The following PDHX variants were observed in gnomAD, a reference collection of about 807,000 sequenced individuals.
PDHX encodes the protein pyruvate dehydrogenase protein X component, mitochondrial.
In PDHX, 33 loss-of-function variants were observed where a neutral mutation model predicts 55.3. That is an observed-to-expected ratio of 0.60 (90% CI 0.45 to 0.80). The LOEUF is 0.80. PDHX is among the 30% of genes least tolerant of loss of function. PDHX has a pLI of 0.00. For synonymous variants in PDHX, 226 were observed against 219.4 expected, an observed-to-expected ratio of 1.03 and a Z score of -0.27; for missense variants, 622 against 619.9, an observed-to-expected ratio of 1.00 and a Z score of -0.04.
chr11:34,922,801 CTTG>C (rs55682814), intron 1 of PDHX, among the ~76,000 whole-genome samples: 89,848 of 150,820 alleles, frequency 0.6, 27,894 homozygotes, highest in East Asian at 0.74. Context: ...AATATACCTT[CTTG>C]TTGTTGTCTT....
chr11:34,966,636 C>T lies in PDHX; in HGVS notation c.642-4C>T. The T allele has an allele frequency of 1.2e-6, 2 of 1,613,954 alleles. No homozygotes were observed. The highest frequency in any genetic ancestry group is 1.7e-6 in the Non-Finnish European group (2 of 1,179,906). ...ATGGTTATCTACTTTGCTCTTATTTCCAGGGATGCTCTCAAACTTGTCCAG... is the reference window on the plus strand; with the variant it reads ...ATGGTTATCTACTTTGCTCTTATTTTCAGGGATGCTCTCAAACTTGTCCAG... On this transcript the variant is annotated splice_region_variant and splice_polypyrimidine_tract_variant and intron_variant, in intron 5 of 10. Coordinates refer to ENST00000227868, the MANE Select transcript of PDHX (RefSeq NM_003477.3).
At chr11:34,990,712 T>C (rs1855738103) in intron 9 of PDHX, among the ~76,000 whole-genome samples, 1 of 152,212 alleles carries the variant, frequency 6.6e-6, no homozygotes, top group South Asian at 2.1e-4. Context: ...ATTCATCTCA[T>C]TTTTTACCTT....
At chr11:34,984,057 G>C (rs1855586465) in intron 8 of PDHX, among the ~76,000 whole-genome samples, 1 of 152,090 alleles carries the variant, frequency 6.6e-6, no homozygotes, top group Non-Finnish European at 1.5e-5. Flanking sequence ...AAACAGCATG[G>C]TACTGGTACC....
chr11:34,958,556 C>G (rs1748073), intron 4 of PDHX, among the ~76,000 whole-genome samples: 1 of 151,976 alleles, frequency 6.6e-6, no homozygotes, highest in African/African-American at 2.4e-5. Context: ...CTGCCTCGGC[C>G]TCCCAAAGTG....
chr11:34,915,940 T>A, upstream of PDHX: 1 of 525,220 alleles, frequency 1.9e-6, no homozygotes. Flanking sequence ...AAATACCCGG[T>A]GAGGTCACCT....
At chr11:34,986,922 A>G (rs1447645682) in intron 9 of PDHX, among the ~76,000 whole-genome samples, 2 of 152,198 alleles carry the variant, frequency 1.3e-5, no homozygotes, top group African/African-American at 2.4e-5. Flanking sequence ...TTCTTACGCT[A>G]TGCCAGGCAC....
chr11:34,983,956 C>T (rs189648989), intron 8 of PDHX, among the ~76,000 whole-genome samples: 45 of 152,266 alleles, frequency 3.0e-4, no homozygotes, highest in African/African-American at 8.7e-4. Flanking sequence ...AAAAAGAACC[C>T]GCATTGCCAA....
rs576393419 is a variant in PDHX, at chr11:34,943,507, T to A, written c.242-3999T>A. On this transcript the variant is annotated intron_variant, in intron 2 of 10. Coordinates refer to ENST00000227868, the MANE Select transcript of PDHX (RefSeq NM_003477.3). ...AGTTCTATAGTTTTTCCCGTGATTATAGCAGAAATCTTTGAGGGTGTGCTT... is the reference window on the plus strand; with the variant it reads ...AGTTCTATAGTTTTTCCCGTGATTAAAGCAGAAATCTTTGAGGGTGTGCTT... 2.0e-5 allele frequency among the ~76,000 whole-genome samples: 3 copies of A among 152,338 alleles called. No homozygotes were observed. In the South Asian group the frequency reaches 6.2e-4, roughly 32 times the overall value.
chr11:34,925,950 C>A (rs1854009135), intron 1 of PDHX, among the ~76,000 whole-genome samples: 1 of 152,168 alleles, frequency 6.6e-6, no homozygotes, highest in African/African-American at 2.4e-5. Flanking sequence ...TAGTCCCAAA[C>A]ATTTCTGATA....
At chr11:34,983,869 A>C (rs1855580509) in intron 8 of PDHX, among the ~76,000 whole-genome samples, 1 of 152,210 alleles carries the variant, frequency 6.6e-6, no homozygotes, top group Middle Eastern at 3.2e-3. Context: ...TTATAGATTC[A>C]ATGCCATCCC....
intron 1 of PDHX, among the ~76,000 whole-genome samples, chr11:34,918,085 C>G (rs1565145124): frequency 3.9e-5 from 6 of 152,030 alleles, no homozygotes. Flanking sequence ...CAAGCAGATC[C>G]TTTTGAGAAT....
intron 7 of PDHX, 182 bp from the exon 8 acceptor site, chr11:34,977,942 A>T: frequency 1.6e-6 from 1 of 609,376 alleles, no homozygotes; most frequent in Non-Finnish European, 3.0e-6. Flanking sequence ...TTATTGATCC[A>T]GGACCTCATA....
chr11:34,955,913 C>G (rs1009326942), intron 3 of PDHX, among the ~76,000 whole-genome samples: 1 of 152,090 alleles, frequency 6.6e-6, no homozygotes, highest in Admixed American at 6.5e-5. Flanking sequence ...GACTTCATGT[C>G]ACTTAACAGT....
intron 7 of PDHX, among the ~76,000 whole-genome samples, chr11:34,976,959 A>G (rs911962175): frequency 2.0e-5 from 3 of 152,150 alleles, no homozygotes; most frequent in Admixed American, 2.0e-4. Context: ...AAATCTTTCT[A>G]TGTGGTTATC....
Position 34,957,432 on chromosome 11 carries a change from ATAG to A in PDHX, c.395_397del (p.Val132del). ...ACGGCTAGGTTCACTAATTGGTTTGATAGTAGAAGAAGGAGAAGATTGGAAACA... is the reference window on the plus strand; with the variant it reads ...ACGGCTAGGTTCACTAATTGGTTTGATAGAAGAAGGAGAAGATTGGAAACA... On this transcript the variant is annotated inframe_deletion, in exon 4 of 11. Coordinates refer to ENST00000227868, the MANE Select transcript of PDHX (RefSeq NM_003477.3). The A allele has an allele frequency of 6.2e-7, 1 of 1,613,442 alleles. No individual in the cohort carries two copies. The highest frequency in any genetic ancestry group is 1.1e-5 in the South Asian group (1 of 91,058).
chr11:34,976,817 T>C (rs1855388926), intron 7 of PDHX, among the ~76,000 whole-genome samples: 1 of 152,138 alleles, frequency 6.6e-6, no homozygotes, highest in African/African-American at 2.4e-5. Context: ...GGTCATTAGC[T>C]GGCAGATGGT....
chr11:34,924,094 A>G (rs893962730), intron 1 of PDHX, among the ~76,000 whole-genome samples: 9 of 152,194 alleles, frequency 5.9e-5, no homozygotes, highest in Non-Finnish European at 1.2e-4. Context: ...GACATCTTAC[A>G]ATGTAATAGG....
intron 1 of PDHX, among the ~76,000 whole-genome samples, chr11:34,926,965 G>A (rs1341118465): frequency 6.6e-6 from 1 of 151,984 alleles, no homozygotes; most frequent in Non-Finnish European, 1.5e-5. Context: ...AGGGAAAACA[G>A]CAATAAGCTA....
intron 9 of PDHX, among the ~76,000 whole-genome samples, chr11:34,990,106 T>G (rs1366700228): frequency 6.6e-6 from 1 of 152,212 alleles, no homozygotes; most frequent in Non-Finnish European, 1.5e-5. Flanking sequence ...AAGTTGGTAT[T>G]CCTTGAATAA....
Sources: gnomAD v4.1 joint callset for allele counts (sites outside exome capture counted in the v4.1 genomes callset) on GRCh38, gnomAD v4.1.1 for gene constraint, MANE v1.5 for transcripts, NCBI Gene and HGNC (gene_info 2026-07-23, HGNC 2026-07-21) for gene names.